Variants in BRINP1 observed in about 807,000 individuals in gnomAD.
BRINP1 encodes BMP/retinoic acid-inducible neural-specific protein 1.
In BRINP1, 17 loss-of-function variants were observed where a neutral mutation model predicts 72.9. That is an observed-to-expected ratio of 0.23 (90% CI 0.16 to 0.35). BRINP1 has a LOEUF of 0.35. Ranked by LOEUF, BRINP1 falls within the 10% of genes least tolerant of loss-of-function variation. BRINP1 has a pLI of 1.00. For missense variants in BRINP1, 850 were observed against 1,001.6 expected, an observed-to-expected ratio of 0.85 and a Z score of 2.04; for synonymous variants, 418 against 378.5, an observed-to-expected ratio of 1.10 and a Z score of -1.21.
In BRINP1 at chr9:119,313,202, T is replaced by A. The variant is rs1473249106; in HGVS notation, c.154A>T (p.Arg52Trp). 4 of 1,614,030 alleles carry A rather than the reference T, an allele frequency of 2.5e-6. No individual in the cohort carries two copies. The highest frequency in any genetic ancestry group is 3.4e-6 in the Non-Finnish European group (4 of 1,180,020). ...CTTTCCACAAAGGATAGGTAGCTCCTGGAGTGGTGGAAAGGCCCCCTGTCT... is the reference window on the plus strand; with the variant it reads ...CTTTCCACAAAGGATAGGTAGCTCCAGGAGTGGTGGAAAGGCCCCCTGTCT... ...ISDRGPFHHSRSYLSFVERHR... is the reference protein window; with the variant it reads ...ISDRGPFHHSWSYLSFVERHR... Residue 52 changes from arginine to tryptophan, a missense_variant, in exon 2 of 8, where the codon AGG becomes TGG. Coordinates refer to ENST00000265922, the MANE Select transcript of BRINP1 (RefSeq NM_014618.3).
chr9:119,272,605 A>G (rs1326010440), intron 2 of BRINP1, among the ~76,000 whole-genome samples: 1 of 152,182 alleles, frequency 6.6e-6, no homozygotes, highest in African/African-American at 2.4e-5. Context: ...ACCTAGGTAC[A>G]GCCTGGACAG....
At chr9:119,175,395 T>G (rs1201797306) in intron 7 of BRINP1, among the ~76,000 whole-genome samples, 4 of 151,956 alleles carry the variant, frequency 2.6e-5, no homozygotes, top group South Asian at 4.1e-4. Flanking sequence ...AGGGGAGAGA[T>G]AGCATTAGGA....
chr9:119,346,325 C>T (rs1278261691), intron 1 of BRINP1, among the ~76,000 whole-genome samples: 1 of 152,180 alleles, frequency 6.6e-6, no homozygotes, highest in African/African-American at 2.4e-5. Context: ...CAACATCAGC[C>T]TTTTTGACCC....
intron 7 of BRINP1, among the ~76,000 whole-genome samples, chr9:119,174,019 G>T (rs559267124): frequency 2.1e-4 from 22 of 107,232 alleles, no homozygotes; most frequent in Admixed American, 5.1e-4. Context: ...ACGTTAGACA[G>T]AAAACCTAGG....
intron 2 of BRINP1, among the ~76,000 whole-genome samples, chr9:119,268,211 C>G (rs1318889593): frequency 6.6e-6 from 1 of 151,240 alleles, no homozygotes; most frequent in Non-Finnish European, 1.5e-5. Flanking sequence ...TCACTGCACT[C>G]CAGCCTGGGC....
intron 1 of BRINP1, among the ~76,000 whole-genome samples, chr9:119,316,065 A>T (rs941089748): frequency 3.9e-5 from 6 of 152,184 alleles, no homozygotes; most frequent in African/African-American, 1.4e-4. Flanking sequence ...TTATTGATGA[A>T]GATGGCTACC....
At chr9:119,196,151 T>C (rs952032032) in intron 7 of BRINP1, among the ~76,000 whole-genome samples, 1 of 152,182 alleles carries the variant, frequency 6.6e-6, no homozygotes, top group African/African-American at 2.4e-5. Context: ...TGACCATATT[T>C]AAGGCAGTGA....
At chr9:119,294,788 G>T (rs1830857085) in intron 2 of BRINP1, among the ~76,000 whole-genome samples, 1 of 149,350 alleles carries the variant, frequency 6.7e-6, no homozygotes, top group African/African-American at 2.5e-5. Flanking sequence ...CCCAGGAGGT[G>T]GAGGTTGCAG....
At chr9:119,340,313 T>C (rs1405780309) in intron 1 of BRINP1, among the ~76,000 whole-genome samples, 3 of 152,180 alleles carry the variant, frequency 2.0e-5, no homozygotes, top group Non-Finnish European at 2.9e-5. Flanking sequence ...GATTTAGATC[T>C]GAGGTTCCCG....
chr9:119,247,746 A>C (rs1588176755), intron 3 of BRINP1, among the ~76,000 whole-genome samples: 1 of 152,104 alleles, frequency 6.6e-6, no homozygotes, highest in East Asian at 1.9e-4. Flanking sequence ...ACACTCACTT[A>C]AAAACTTAGC....
intron 2 of BRINP1, among the ~76,000 whole-genome samples, chr9:119,308,443 G>A (rs1353151526): frequency 1.3e-5 from 2 of 152,158 alleles, no homozygotes; most frequent in African/African-American, 4.8e-5. Context: ...TTCATCACAA[G>A]ATAAACTCCC....
intron 2 of BRINP1, among the ~76,000 whole-genome samples, chr9:119,270,185 G>C (rs1830593226): frequency 6.6e-6 from 1 of 152,062 alleles, no homozygotes; most frequent in African/African-American, 2.4e-5. Context: ...GGAGGGGCAA[G>C]GAGTAATAGC....
chr9:119,264,614 A>C (rs1309126543), intron 2 of BRINP1, among the ~76,000 whole-genome samples: 1 of 152,024 alleles, frequency 6.6e-6, no homozygotes, highest in Non-Finnish European at 1.5e-5. Context: ...ACCCACATTC[A>C]CCTTTTTCTT....
chr9:119,289,052 G>A (rs1314497723), intron 2 of BRINP1, among the ~76,000 whole-genome samples: 3 of 152,140 alleles, frequency 2.0e-5, no homozygotes, highest in Admixed American at 6.5e-5. Context: ...CACCCGCCTC[G>A]GCCTCCCAAA....
chr9:119,287,341 C>T (rs942748908), intron 2 of BRINP1, among the ~76,000 whole-genome samples: 2 of 152,198 alleles, frequency 1.3e-5, no homozygotes, highest in Non-Finnish European at 2.9e-5. Flanking sequence ...TTCACATACT[C>T]TCCTGGGAGT....
chr9:119,326,488 T>C (rs1831241423), intron 1 of BRINP1, among the ~76,000 whole-genome samples: 1 of 152,230 alleles, frequency 6.6e-6, no homozygotes, highest in Non-Finnish European at 1.5e-5. Context: ...GTGATCCTAT[T>C]ATATTTTATT....
chr9:119,366,155 G>C (rs1190081213), intron 1 of BRINP1, among the ~76,000 whole-genome samples: 1 of 152,010 alleles, frequency 6.6e-6, no homozygotes, highest in Non-Finnish European at 1.5e-5. Flanking sequence ...AGCAGGAAAG[G>C]TTTCTGGATC....
At chr9:119,242,705 A>C (rs970213432) in intron 3 of BRINP1, among the ~76,000 whole-genome samples, 3 of 152,186 alleles carry the variant, frequency 2.0e-5, no homozygotes, top group African/African-American at 7.2e-5. Context: ...TTAATAGATA[A>C]ATGAACGGTG....
In BRINP1 at chr9:119,341,570, A is replaced by T. The variant is rs62567742; in HGVS notation, c.-51+27486T>A. On this transcript the variant is annotated intron_variant, in intron 1 of 7. Coordinates refer to ENST00000265922, the MANE Select transcript of BRINP1 (RefSeq NM_014618.3). ...ATCAGCCACGATTTTATGAGAATAA[A>T]CAACTGACACTCTACAGTGTGCGGT... Among the ~76,000 whole-genome samples, 180 of 152,266 alleles carry T rather than the reference A, an allele frequency of 1.2e-3. 1 individual carries two copies. In the Middle Eastern group the frequency reaches 0.041, roughly 35 times the overall value.
Sources: gnomAD v4.1 joint callset for allele counts (sites outside exome capture counted in the v4.1 genomes callset) on GRCh38, gnomAD v4.1.1 for gene constraint, MANE v1.5 for transcripts, NCBI Gene and HGNC (gene_info 2026-07-23, HGNC 2026-07-21) for gene names.